Variants in PODNL1 observed in about 807,000 individuals in gnomAD.
PODNL1 encodes podocan-like protein 1.
In PODNL1, 50 loss-of-function variants were observed where a neutral mutation model predicts 45.1. That is an observed-to-expected ratio of 1.11 (90% CI 0.88 to 1.40). The LOEUF is 1.40. PODNL1 is among the 40% of genes most tolerant of loss of function. The probability of loss-of-function intolerance (pLI) is 0.00; values close to 1 mark genes in which losing one functional copy is unlikely to be tolerated. For missense variants in PODNL1, 788 were observed against 793.3 expected (o/e 0.99, Z 0.08); for synonymous variants, 406 against 372.5 (o/e 1.09, Z -1.04).
At chr19:13,950,438 G>A (rs1031024783) in intron 1 of PODNL1, among the ~76,000 whole-genome samples, 1 of 152,140 alleles carries the variant, frequency 6.6e-6, no homozygotes, top group Non-Finnish European at 1.5e-5. Context: ...CCAAAGTGCT[G>A]GGCTTACAGG....
intron 6 of PODNL1, 123 bp from the exon 7 acceptor site, chr19:13,934,116 G>A (rs954753149): frequency 1.2e-5 from 16 of 1,365,278 alleles, no homozygotes; most frequent in Non-Finnish European, 1.5e-5. Context: ...TTCCAATAAA[G>A]TGATTCAAAG....
Position 13,931,866 on chromosome 19 carries a change from C to G in PODNL1, c.1596G>C (p.Thr532=). 8.1e-7 allele frequency: 1 copy of G among 1,232,018 alleles called. No individual in the cohort carries two copies. The highest frequency in any genetic ancestry group is 1.0e-6 in the Non-Finnish European group (1 of 987,946). The allele number at this position is 1,232,018 out of a possible 1,614,324, so 76.3% of individuals were successfully genotyped here. A position where few individuals can be genotyped will look rare whatever the true frequency, so the allele number is the denominator to read the frequency against. Residue 532 remains threonine (T), a synonymous_variant, in exon 10 of 10, where the codon ACG becomes ACC. Transcript: ENST00000588872. Reference sequence around the variant, plus strand: ...CCAGGAAGGCCTCAGCCGCGATGCTCGTCATGTGAAGCCTGTTGGCCCTGC... The same window carrying G: ...CCAGGAAGGCCTCAGCCGCGATGCTGGTCATGTGAAGCCTGTTGGCCCTGC... The part of the protein sequence containing the change: ...LFLRANRLHM[T]SIAAEAFLGL...
chr19:13,932,512 CCA>C, intron 8 of PODNL1: 1 of 725,164 alleles, frequency 1.4e-6, no homozygotes, highest in Non-Finnish European at 2.2e-6. Context: ...CAGGCATGTG[CCA>C]CCACGCTTGG....
intron 1 of PODNL1, chr19:13,952,351 C>T (rs2145477340): frequency 3.9e-6 from 4 of 1,030,616 alleles, no homozygotes; most frequent in African/African-American, 3.3e-5. Flanking sequence ...CTGTTACTGT[C>T]GCTACCAATC....
intron 8 of PODNL1, 87 bp downstream of exon 8, chr19:13,932,711 G>C (rs1337081817): frequency 6.8e-6 from 11 of 1,606,132 alleles, no homozygotes. Flanking sequence ...TGCTTTACCA[G>C]CTAACTAGAA....
At position 13,938,312 on chromosome 19, in the gene PODNL1, A is replaced by C. The variant is rs748604193; in HGVS notation, c.-131T>G. Reference sequence around the variant, plus strand: ...CATCTCCAGACCCATGCCACCCCCCACAACAGCCTGTTCTCCCGGGGCTTT... The same window carrying C: ...CATCTCCAGACCCATGCCACCCCCCCCAACAGCCTGTTCTCCCGGGGCTTT... On this transcript the variant is annotated 5_prime_UTR_variant, in exon 1 of 10. Coordinates refer to ENST00000588872, the MANE Select transcript of PODNL1 (RefSeq NM_001370095.3). The C allele has an allele frequency of 8.3e-6, 12 of 1,446,064 alleles. No individual in the cohort carries two copies. The highest frequency in any genetic ancestry group is 2.9e-5 in the African/African-American group (2 of 69,726). The allele number at this position is 1,446,064 out of a possible 1,614,324, so 89.6% of individuals were successfully genotyped here.
At position 13,931,766 on chromosome 19, in the gene PODNL1, G is replaced by C. The variant is rs1048715238; in HGVS notation, c.1696C>G (p.Pro566Ala). The change falls in exon 10 of 10, where the codon CCA becomes GCA. Residue 566 changes from proline to alanine, a missense_variant. Pro to Ala is a conservative substitution (Grantham distance 27). Around this residue, in one of 3 missense-constraint regions of PODNL1, gnomAD observed 17 missense variants for 16.7 expected, o/e 1.02. Coordinates refer to ENST00000588872, the MANE Select transcript of PODNL1 (RefSeq NM_001370095.3). ...GGGCCCCCTGCCCGTGGCCCACGTG[G>C]GGTGGTGGGAGGCAGCCGGATCAGG... ...QVLIRLPPTT[P>A]RGPRAGGP 1.6e-6 allele frequency: 2 copies of C among 1,231,764 alleles called. No homozygotes were observed. The highest frequency in any genetic ancestry group is 4.2e-5 in the Admixed American group (1 of 23,702). The allele number at this position is 1,231,764 out of a possible 1,614,324, so 76.3% of individuals were successfully genotyped here. A position where few individuals can be genotyped will look rare whatever the true frequency, so the allele number is the denominator to read the frequency against.
At chr19:13,942,215 C>T (rs969871962), upstream of PODNL1, among the ~76,000 whole-genome samples, 1 of 152,152 alleles carries the variant, frequency 6.6e-6, no homozygotes, top group African/African-American at 2.4e-5. Flanking sequence ...GAACAGAAAA[C>T]CTGTATCCTT....
At chr19:13,941,276 G>C (rs1972647865), upstream of PODNL1, among the ~76,000 whole-genome samples, 4 of 148,400 alleles carry the variant, frequency 2.7e-5, no homozygotes, top group African/African-American at 1.0e-4. Flanking sequence ...TAATGCAGGA[G>C]AATTGCTTGA....
At chr19:13,938,433 C>A (rs1972528590), upstream of PODNL1, 4 of 1,301,082 alleles carry the variant, frequency 3.1e-6, no homozygotes, top group African/African-American at 1.5e-5. Flanking sequence ...CTTGGTCCCC[C>A]CCAACAACCA....
Position 13,952,163 on chromosome 19 carries a change from G to T in PODNL1, c.18+956C>A, listed in dbSNP as rs1488248292. 3.9e-5 allele frequency among the ~76,000 whole-genome samples: 6 copies of T among 152,372 alleles called. No homozygotes were observed. In the East Asian group the frequency reaches 9.6e-4, roughly 25 times the overall value. On this transcript the variant is annotated intron_variant, in intron 1 of 7. Coordinates refer to the PODNL1 transcript ENST00000538371. ...ACAGGCTCCCGTCGCCCCGCCCAAG[G>T]GCCTGGACCGCCTGTGGTCTCCATG...
chr19:13,933,199 GC>G lies in PODNL1; in HGVS notation c.1023del (p.Leu342TrpfsTer36), dbSNP rs755434797. ...GLHTLHLYGN[G>X]LDRVPPALPR... is the part of the protein sequence containing the mutation. ...GGCAGGGCTGGAGGCACGCGGTCCA[GC>G]CCATTGCCATAGAGGTGCAGCGTGT... On this transcript the variant is annotated frameshift_variant, in exon 8 of 10. Transcript: ENST00000588872. LOFTEE classifies it high-confidence loss of function. This position sits in a 1 kb window ranked among gnomAD's most constrained non-coding sequence, Gnocchi z 5.2. The G allele has an allele frequency of 1.4e-5, 22 of 1,536,926 alleles. No homozygotes were observed. The highest frequency in any genetic ancestry group is 1.9e-5 in the Non-Finnish European group (22 of 1,146,570).
At chr19:13,942,152 A>G (rs539838435), upstream of PODNL1, among the ~76,000 whole-genome samples, 4 of 152,306 alleles carry the variant, frequency 2.6e-5, no homozygotes, top group African/African-American at 9.6e-5. Context: ...TTGCAAAGGA[A>G]GGAGAACCCA....
chr19:13,948,831 C>A (rs1972912827), intron 1 of PODNL1, among the ~76,000 whole-genome samples: 1 of 147,122 alleles, frequency 6.8e-6, no homozygotes, highest in Non-Finnish European at 1.5e-5. Context: ...GTAGTCCCAG[C>A]TACTTGGGAG....
At chr19:13,952,093 G>A (rs1973059839) in intron 1 of PODNL1, among the ~76,000 whole-genome samples, 2 of 152,240 alleles carry the variant, frequency 1.3e-5, no homozygotes, top group African/African-American at 2.4e-5. Flanking sequence ...ACCTGGACCG[G>A]GCGCGGGCAG....
In PODNL1 at chr19:13,938,170, C is replaced by A; in HGVS notation, c.3+9G>T. On this transcript the variant is annotated intron_variant, in intron 1 of 9. Coordinates refer to ENST00000588872, the MANE Select transcript of PODNL1 (RefSeq NM_001370095.3). ...CCCCACCCTCAGACCCTCCCGTGCC[C>A]CACCTTACCATGGCCAGCCCTGACT... 3 of 1,604,998 alleles carry A rather than the reference C, an allele frequency of 1.9e-6. No homozygotes were observed. Among genetic ancestry groups the A allele is most frequent in the Non-Finnish European group, 2.6e-6 (3 of 1,176,346 alleles).
intron 1 of PODNL1, chr19:13,949,758 G>A (rs1260195004): frequency 1.3e-5 from 2 of 152,144 alleles, no homozygotes; most frequent in African/African-American, 4.8e-5. Flanking sequence ...GGAGCGCAGT[G>A]GCTCAATCTC....
upstream of PODNL1, chr19:13,938,495 A>C: frequency 4.2e-6 from 5 of 1,198,696 alleles, no homozygotes; most frequent in Non-Finnish European, 5.2e-6. Flanking sequence ...CCACAAGAAC[A>C]AGGAATGTTT....
At chr19:13,943,916 C>A (rs1033881849) in intron 1 of PODNL1, among the ~76,000 whole-genome samples, 3 of 152,148 alleles carry the variant, frequency 2.0e-5, no homozygotes, top group African/African-American at 7.2e-5. Flanking sequence ...GGAGACAGGA[C>A]ATCTACCTAT....
Sources: allele counts gnomAD v4.1 joint callset (sites outside exome capture counted in the v4.1 genomes callset), GRCh38; gene constraint gnomAD v4.1.1; regional missense constraint gnomAD v4.1.1; non-coding constraint Gnocchi (gnomAD v3.1); transcripts MANE v1.5; gene names NCBI Gene and HGNC (gene_info 2026-07-23, HGNC 2026-07-21).